Variants in MTUS2 observed in about 807,000 individuals in gnomAD.
The protein encoded by MTUS2 is microtubule associated scaffold protein 2.
Under a neutral mutation model 114.1 loss-of-function variants are expected in MTUS2, and 40 were observed. The observed-to-expected ratio is 0.35, with a 90% CI of 0.27 to 0.46. The LOEUF is 0.46. MTUS2 is among the 20% of genes least tolerant of loss of function. The probability of loss-of-function intolerance (pLI) is 1.00; values close to 1 mark genes in which losing one functional copy is unlikely to be tolerated. For missense variants in MTUS2, 1,679 were observed against 1,705.4 expected (o/e 0.98, Z 0.27); for synonymous variants, 688 against 672.0 (o/e 1.02, Z -0.37).
At position 29,163,454 on chromosome 13, in the gene MTUS2, G is replaced by A. The variant is rs536529572; in HGVS notation, c.2644+62484G>A. On this transcript the variant is annotated intron_variant, in intron 5 of 15. Coordinates refer to ENST00000612955, the MANE Select transcript of MTUS2 (RefSeq NM_001033602.4). ...GGTTCAAAATATGGGAGGATATTCT[G>A]ACAAGTGTCTGTAGGAACACACATT... 1.3e-3 allele frequency among the ~76,000 whole-genome samples: 205 copies of A among 152,248 alleles called. 1 individual carries two copies. The highest frequency in any genetic ancestry group is 4.5e-3 in the African/African-American group (189 of 41,550).
At chr13:28,994,973 G>T (rs1885029406) in intron 2 of MTUS2, among the ~76,000 whole-genome samples, 1 of 146,862 alleles carries the variant, frequency 6.8e-6, no homozygotes, top group African/African-American at 2.7e-5. Context: ...TGAAGTCCTT[G>T]CCCATGCCTA....
chr13:29,067,293 C>T (rs1888708097), intron 4 of MTUS2, among the ~76,000 whole-genome samples: 1 of 151,954 alleles, frequency 6.6e-6, no homozygotes, highest in Admixed American at 6.6e-5. Flanking sequence ...ACTTTCCATC[C>T]ATATTGAAGG....
At chr13:29,428,805 T>C (rs780700519) in intron 8 of MTUS2, 1 of 1,613,398 alleles carries the variant, frequency 6.2e-7, no homozygotes, top group Non-Finnish European at 8.5e-7. Flanking sequence ...GCTGACACCT[T>C]GAATGAAGGA....
intron 5 of MTUS2, among the ~76,000 whole-genome samples, chr13:29,226,306 A>G (rs1183704041): frequency 1.3e-5 from 2 of 152,232 alleles, no homozygotes; most frequent in Non-Finnish European, 2.9e-5. Flanking sequence ...TGTACAGTGA[A>G]ATTTAACTGC....
chr13:28,846,409 C>A (rs1024979044), intron 2 of MTUS2, among the ~76,000 whole-genome samples: 1 of 152,206 alleles, frequency 6.6e-6, no homozygotes, highest in Non-Finnish European at 1.5e-5. Context: ...TCAGTTCACT[C>A]AAGCGTTTTA....
In MTUS2 at chr13:29,499,902, G is replaced by A. The variant is rs1037359468; in HGVS notation, c.3799-1195G>A. ...CTGGATTGTCGCCAAGATTCTGGGC[G>A]ATGCTGACCACTCTGCACCCTCCAG... On this transcript the variant is annotated intron_variant, in intron 14 of 15. Coordinates refer to ENST00000612955, the MANE Select transcript of MTUS2 (RefSeq NM_001033602.4). 5.3e-5 allele frequency among the ~76,000 whole-genome samples: 8 copies of A among 152,240 alleles called. No homozygotes were observed. In the South Asian group the frequency reaches 6.2e-4, roughly 12 times the overall value.
Position 29,324,692 on chromosome 13 carries a change from C to T in MTUS2, c.2886C>T (p.Thr962=), listed in dbSNP as rs1900406927. Residue 962 remains threonine, a synonymous_variant, in exon 7 of 16, where the codon ACC becomes ACT. Transcript: ENST00000612955. ...VSSPKRVAAS[T]TKLHSPGYPK... is the part of the protein sequence containing the mutation. ...CTCCTAAGAGAGTAGCAGCTTCAAC[C>T]ACCAAGCTTCATTCACCAGGTATGT... is the stretch of plus-strand genomic sequence containing the variant. The T allele has an allele frequency of 3.8e-6, 6 of 1,598,302 alleles. No individual in the cohort carries two copies. In the South Asian group the frequency reaches 4.6e-5, roughly 12 times the overall value.
rs7332787 is a variant in MTUS2, at chr13:29,339,237, A to G, written c.2905+14526A>G. Among the ~76,000 whole-genome samples the G allele has an allele frequency of 7.2e-5, 11 of 152,104 alleles. No homozygotes were observed. In the South Asian group the frequency reaches 1.7e-3, roughly 23 times the overall value. ...GCGTACTTCCTGCAGTAGGGCAGGC[A>G]GCAGGCTGAGGGAAGGCTGCTTCTC... On this transcript the variant is annotated intron_variant, in intron 7 of 15. Transcript: ENST00000612955.
At chr13:28,840,191 G>A (rs1875378859) in intron 2 of MTUS2, among the ~76,000 whole-genome samples, 1 of 152,112 alleles carries the variant, frequency 6.6e-6, no homozygotes, top group Non-Finnish European at 1.5e-5. Context: ...GTTAGCATGT[G>A]TTTAGTAATA....
At chr13:29,065,482 T>C (rs1465644457) in intron 4 of MTUS2, among the ~76,000 whole-genome samples, 1 of 152,182 alleles carries the variant, frequency 6.6e-6, no homozygotes, top group East Asian at 1.9e-4. Flanking sequence ...GGGTTGTTTG[T>C]TGTTTTCTTA....
At chr13:29,417,427 T>C (rs912161856) in intron 8 of MTUS2, among the ~76,000 whole-genome samples, 4 of 152,246 alleles carry the variant, frequency 2.6e-5, no homozygotes, top group African/African-American at 9.6e-5. Context: ...TCAGATAGTC[T>C]AATTATGTAT....
intron 2 of MTUS2, among the ~76,000 whole-genome samples, chr13:28,943,850 T>C (rs34457372): frequency 0.019 from 2,900 of 152,272 alleles, 40 homozygotes; most frequent in Non-Finnish European, 0.033. Context: ...TGAGGAGCTA[T>C]TCTAGGGGAT....
At chr13:28,921,322 C>A (rs1443936009) in intron 2 of MTUS2, among the ~76,000 whole-genome samples, 2 of 152,336 alleles carry the variant, frequency 1.3e-5, no homozygotes, top group African/African-American at 4.8e-5. Flanking sequence ...TATTCTGTCT[C>A]TAGAAATGTC....
chr13:28,824,011 CAT>C (rs925591680), intron 1 of MTUS2, among the ~76,000 whole-genome samples: 8 of 152,298 alleles, frequency 5.3e-5, no homozygotes, highest in Admixed American at 5.2e-4. Flanking sequence ...TCTCATGACA[CAT>C]GGGGATTATG....
At chr13:28,967,301 CG>C (rs758045355) in intron 2 of MTUS2, among the ~76,000 whole-genome samples, 24 of 151,998 alleles carry the variant, frequency 1.6e-4, no homozygotes, top group African/African-American at 5.3e-4. Context: ...TTTATATTGC[CG>C]GGGGGAGAGG....
intron 2 of MTUS2, among the ~76,000 whole-genome samples, chr13:28,878,206 A>AATATATATAT (rs146866165): frequency 6.7e-6 from 1 of 149,598 alleles, no homozygotes; most frequent in Non-Finnish European, 1.5e-5. Context: ...CTTAAAAAAG[A>AATATATATAT]ATATATATAT....
intron 5 of MTUS2, among the ~76,000 whole-genome samples, chr13:29,267,737 AG>A (rs1897720869): frequency 6.6e-6 from 1 of 151,894 alleles, no homozygotes; most frequent in Non-Finnish European, 1.5e-5. Flanking sequence ...CCTAAAGGAG[AG>A]GGTGTAGGAA....
intron 9 of MTUS2, among the ~76,000 whole-genome samples, chr13:29,470,293 T>C (rs73172637): frequency 0.016 from 2,369 of 152,154 alleles, 37 homozygotes; most frequent in Non-Finnish European, 0.022. Context: ...AATTTAGCAG[T>C]CTTGAATTTT....
chr13:28,926,333 A>C (rs185152281), intron 2 of MTUS2, among the ~76,000 whole-genome samples: 16 of 152,222 alleles, frequency 1.1e-4, no homozygotes, highest in Non-Finnish European at 1.3e-4. Flanking sequence ...TGACAAATTC[A>C]TAATAGCTTT....
Sources: allele counts gnomAD v4.1 joint callset (sites outside exome capture counted in the v4.1 genomes callset), GRCh38; gene constraint gnomAD v4.1.1; transcripts MANE v1.5; gene names NCBI Gene and HGNC (gene_info 2026-07-23, HGNC 2026-07-21).